The following KCND2 variants were observed in gnomAD, a reference collection of about 807,000 sequenced individuals.
KCND2 encodes potassium voltage-gated channel subfamily D member 2.
Under a neutral mutation model 54.4 loss-of-function variants are expected in KCND2, and 16 were observed. The observed-to-expected ratio is 0.29, with a 90% confidence interval of 0.20 to 0.45. The LOEUF (loss-of-function observed/expected upper bound fraction) is 0.45. Among genes scored for constraint, KCND2 ranks in the 20% least tolerant of loss-of-function variants. KCND2 has a pLI of 1.00. For missense variants in KCND2, 486 were observed against 824.2 expected (o/e 0.59, Z 5.02); for synonymous variants, 317 against 310.7 (o/e 1.02, Z -0.21).
intron 1 of KCND2, among the ~76,000 whole-genome samples, chr7:120,334,921 G>A (rs778780010): frequency 6.6e-6 from 1 of 152,060 alleles, no homozygotes; most frequent in Non-Finnish European, 1.5e-5. Context: ...TAATGTCATG[G>A]TTCAGTAATC....
chr7:120,719,558 A>G (rs1266606304), intron 1 of KCND2, among the ~76,000 whole-genome samples: 2 of 152,298 alleles, frequency 1.3e-5, no homozygotes, highest in East Asian at 1.9e-4. Context: ...TTTATTGCCA[A>G]AACCTTCATC....
intron 1 of KCND2, among the ~76,000 whole-genome samples, chr7:120,599,585 G>A (rs1792789002): frequency 6.6e-6 from 1 of 151,792 alleles, no homozygotes; most frequent in African/African-American, 2.4e-5. Flanking sequence ...TGTAATTTTG[G>A]TGCTGTTTGA....
intron 1 of KCND2, among the ~76,000 whole-genome samples, chr7:120,366,799 A>T (rs1433967521): frequency 6.6e-6 from 1 of 152,112 alleles, no homozygotes; most frequent in Admixed American, 6.6e-5. Context: ...ATTATTTCTA[A>T]AATCCGAATC....
chr7:120,535,692 T>G (rs966599158), intron 1 of KCND2, among the ~76,000 whole-genome samples: 1 of 152,168 alleles, frequency 6.6e-6, no homozygotes, highest in African/African-American at 2.4e-5. Flanking sequence ...TTTCTAGTTC[T>G]TATCATTTCA....
intron 1 of KCND2, among the ~76,000 whole-genome samples, chr7:120,349,896 A>G (rs1800376904): frequency 6.6e-6 from 1 of 152,102 alleles, no homozygotes; most frequent in Admixed American, 6.6e-5. Context: ...GATTTTTACT[A>G]CTTATTCTCT....
intron 1 of KCND2, among the ~76,000 whole-genome samples, chr7:120,325,512 A>C (rs996569147): frequency 1.3e-5 from 2 of 150,452 alleles, no homozygotes; most frequent in East Asian, 1.9e-4. Context: ...TAGCATGAAG[A>C]GTTGTTGAAT....
intron 1 of KCND2, among the ~76,000 whole-genome samples, chr7:120,511,345 A>G (rs1204891756): frequency 1.7e-4 from 26 of 152,008 alleles, no homozygotes; most frequent in Admixed American, 1.7e-3. Context: ...TAAATTGCTC[A>G]TTTGTTTTTT....
intron 1 of KCND2, among the ~76,000 whole-genome samples, chr7:120,296,741 A>G (rs1447647682): frequency 6.6e-6 from 1 of 152,092 alleles, no homozygotes; most frequent in Non-Finnish European, 1.5e-5. Flanking sequence ...AGCATCAGGC[A>G]TTTGAAATAG....
chr7:120,296,179 G>C (rs145141408), intron 1 of KCND2, among the ~76,000 whole-genome samples: 1 of 152,056 alleles, frequency 6.6e-6, no homozygotes, highest in African/African-American at 2.4e-5. Context: ...GGCAGGGTCA[G>C]GATTTCAGTT....
chr7:120,675,855 C>CTTT (rs58226731), intron 1 of KCND2, among the ~76,000 whole-genome samples: 14 of 121,542 alleles, frequency 1.2e-4, no homozygotes, highest in Non-Finnish European at 1.7e-4. Context: ...TCTTTCTATT[C>CTTT]TTTTTTTTTT....
intron 1 of KCND2, among the ~76,000 whole-genome samples, chr7:120,350,651 T>A (rs1286891592): frequency 6.6e-6 from 1 of 152,168 alleles, no homozygotes; most frequent in Non-Finnish European, 1.5e-5. Flanking sequence ...CCCTGTGAAT[T>A]TTTAATCAGT....
Position 120,273,562 on chromosome 7 carries a change from G to C in KCND2, c.-1071G>C, listed in dbSNP as rs910831362. The C allele has an allele frequency of 5.2e-5, 8 of 153,244 alleles. No individual in the cohort carries two copies. The Admixed American group carries it at 5.2e-4, about 10-fold the overall frequency. 9.5% of individuals were successfully genotyped at this position (153,244 alleles called of 1,614,324 possible). ...TGTTGCTGCTGCTCTGCTCGCCTGC[G>C]CCTGGCTTTTGGAAGGTGAAAAGGA... On this transcript the variant is annotated 5_prime_UTR_variant, in exon 1 of 6. Coordinates refer to ENST00000331113, the MANE Select transcript of KCND2 (RefSeq NM_012281.3).
intron 1 of KCND2, among the ~76,000 whole-genome samples, chr7:120,301,981 A>G (rs886413913): frequency 6.6e-6 from 1 of 152,174 alleles, no homozygotes; most frequent in African/African-American, 2.4e-5. Flanking sequence ...TTTCATTTCT[A>G]TATTTTTAGT....
chr7:120,289,134 G>T (rs916702155), intron 1 of KCND2, among the ~76,000 whole-genome samples: 54 of 151,624 alleles, frequency 3.6e-4, no homozygotes, highest in South Asian at 8.3e-4. Context: ...AGTGAGGGGG[G>T]TAAAGAGATG....
chr7:120,478,665 C>T (rs1802563554), intron 1 of KCND2, among the ~76,000 whole-genome samples: 1 of 151,842 alleles, frequency 6.6e-6, no homozygotes, highest in Non-Finnish European at 1.5e-5. Context: ...ATAATTATAC[C>T]TATAAGAAAA....
rs780584424 is a variant in KCND2 at position 120,733,057 on chromosome 7, G to A, written c.1270G>A (p.Ala424Thr). ...HQNQRADKRR[A>T]QKKARLARIR... ...GAATCAACGAGCAGACAAACGAAGGGCACAAAAGGTGCGTATTCAACTCCG... is the reference window on the plus strand; with the variant it reads ...GAATCAACGAGCAGACAAACGAAGGACACAAAAGGTGCGTATTCAACTCCG... Residue 424 changes from alanine to threonine, a missense_variant, in exon 2 of 6, where the codon GCA (alanine) becomes ACA (threonine). Ala to Thr is a moderately conservative substitution (Grantham distance 58). Around this residue, in one of 7 missense-constraint regions of KCND2, gnomAD observed 11 missense variants for 21.4 expected, o/e 0.51. Transcript: ENST00000331113. The A allele has an allele frequency of 1.2e-6, 2 of 1,613,368 alleles. No individual in the cohort carries two copies. The highest frequency in any genetic ancestry group is 1.7e-6 in the Non-Finnish European group (2 of 1,179,602).
At chr7:120,509,822 A>G (rs962440984) in intron 1 of KCND2, among the ~76,000 whole-genome samples, 1 of 152,064 alleles carries the variant, frequency 6.6e-6, no homozygotes, top group Non-Finnish European at 1.5e-5. Context: ...AATTTCCACA[A>G]TTCCTTCAAT....
chr7:120,686,413 G>T (rs1245966193), intron 1 of KCND2, among the ~76,000 whole-genome samples: 1 of 152,120 alleles, frequency 6.6e-6, no homozygotes, highest in Non-Finnish European at 1.5e-5. Context: ...TAAAAAGATG[G>T]AAATCCTACT....
At chr7:120,306,941 G>A (rs1799657362) in intron 1 of KCND2, among the ~76,000 whole-genome samples, 1 of 151,982 alleles carries the variant, frequency 6.6e-6, no homozygotes, top group Non-Finnish European at 1.5e-5. Flanking sequence ...CAAAAGATAA[G>A]ATATTTATTC....
Sources: gnomAD v4.1 joint callset for allele counts (sites outside exome capture counted in the v4.1 genomes callset) on GRCh38, gnomAD v4.1.1 for gene constraint, gnomAD v4.1.1 regional missense constraint, MANE v1.5 for transcripts, NCBI Gene and HGNC (gene_info 2026-07-23, HGNC 2026-07-21) for gene names.